The following FMN2 variants were observed in gnomAD, a reference collection of about 807,000 sequenced individuals.
FMN2 encodes the protein formin-2.
A neutral mutation model predicts 142.3 loss-of-function variants in FMN2; 51 were observed. The observed-to-expected ratio is 0.36, with a 90% confidence interval of 0.29 to 0.45. The LOEUF (loss-of-function observed/expected upper bound fraction) is 0.45, where lower values mean the gene tolerates loss of function less well. FMN2 is among the 20% of genes least tolerant of loss of function. FMN2 has a pLI of 1.00. For missense variants in FMN2, 1,936 were observed against 2,122.8 expected (o/e 0.91, Z 1.73); for synonymous variants, 882 against 869.8 (o/e 1.01, Z -0.25).
chr1:240,116,713 G>A (rs1308994764), intron 1 of FMN2, among the ~76,000 whole-genome samples: 1 of 151,816 alleles, frequency 6.6e-6, no homozygotes, highest in Non-Finnish European at 1.5e-5. Flanking sequence ...TTATGATAGG[G>A]CCACTGCATT....
chr1:240,328,166 A>AG (rs1671247632), intron 8 of FMN2, among the ~76,000 whole-genome samples: 2 of 149,988 alleles, frequency 1.3e-5, no homozygotes, highest in East Asian at 2.0e-4. Context: ...AAAAAAAAAA[A>AG]AAAAAAGAAA....
intron 2 of FMN2, among the ~76,000 whole-genome samples, chr1:240,159,905 G>GTATATATATATA (rs34012500): frequency 1.3e-4 from 16 of 120,090 alleles, no homozygotes; most frequent in African/African-American, 4.1e-4. Context: ...ATATATCTGT[G>GTATATATATATA]TATATATATA....
At chr1:240,239,508 T>C (rs1301359148) in intron 6 of FMN2, among the ~76,000 whole-genome samples, 1 of 152,222 alleles carries the variant, frequency 6.6e-6, no homozygotes, top group South Asian at 2.1e-4. Context: ...AGGAGGTCTT[T>C]GAAGAATCAG....
intron 3 of FMN2, among the ~76,000 whole-genome samples, chr1:240,178,400 T>C (rs1665014409): frequency 6.6e-6 from 1 of 151,706 alleles, no homozygotes; most frequent in African/African-American, 2.4e-5. Context: ...CAATGCTTTA[T>C]GGAATATGGT....
intron 16 of FMN2, among the ~76,000 whole-genome samples, chr1:240,440,704 G>T: frequency 6.6e-6 from 1 of 152,116 alleles, no homozygotes; most frequent in South Asian, 2.1e-4. Flanking sequence ...ACGCTGCTTT[G>T]CCCATTGACT....
In FMN2 at chr1:240,188,218, G is replaced by T; in HGVS notation, c.1942G>T (p.Ala648Ser). 6.2e-7 allele frequency: 1 copy of T among 1,613,708 alleles called. No homozygotes were observed. Among genetic ancestry groups the T allele is most frequent in the Middle Eastern group, 1.6e-4 (1 of 6,062 alleles). ...LEDAETESQSAVSETPQKRSD... is the reference protein window; with the variant it reads ...LEDAETESQSSVSETPQKRSD... ...CCTTTCCAATCTAGAATCTCAATCTGCTGTTTCAGAAACTCCCCAAAAACG... is the reference window on the plus strand; with the variant it reads ...CCTTTCCAATCTAGAATCTCAATCTTCTGTTTCAGAAACTCCCCAAAAACG... The change falls in exon 4 of 18, where the codon GCT becomes TCT. Residue 648 changes from alanine to serine, a missense_variant. Ala to Ser is a moderately conservative substitution (Grantham distance 99). Coordinates refer to ENST00000319653, the MANE Select transcript of FMN2 (RefSeq NM_020066.5).
intron 8 of FMN2, among the ~76,000 whole-genome samples, chr1:240,319,325 A>G (rs1670891244): frequency 1.3e-5 from 2 of 152,194 alleles, no homozygotes; most frequent in Non-Finnish European, 1.5e-5. Flanking sequence ...GAGAAAATGA[A>G]TAAAGGAACT....
At chr1:240,271,358 C>T (rs1449077284) in intron 7 of FMN2, among the ~76,000 whole-genome samples, 1 of 150,672 alleles carries the variant, frequency 6.6e-6, no homozygotes, top group Non-Finnish European at 1.5e-5. Context: ...GTAATAGTCT[C>T]AAAAATTAGG....
intron 8 of FMN2, among the ~76,000 whole-genome samples, chr1:240,297,464 C>T (rs940428438): frequency 2.0e-5 from 3 of 151,532 alleles, no homozygotes; most frequent in African/African-American, 4.8e-5. Context: ...CATGGTGGCC[C>T]GGGCACGTGT....
chr1:240,296,110 G>T (rs12136632), intron 8 of FMN2, among the ~76,000 whole-genome samples: 1 of 151,802 alleles, frequency 6.6e-6, no homozygotes, highest in Admixed American at 6.6e-5. Flanking sequence ...TATAGCTGGG[G>T]TTTAGTTCAT....
intron 2 of FMN2, among the ~76,000 whole-genome samples, chr1:240,128,069 C>A (rs1571957276): frequency 6.6e-6 from 1 of 152,284 alleles, no homozygotes; most frequent in African/African-American, 2.4e-5. Context: ...GTAGAGAAGA[C>A]AGCTGCATTT....
chr1:240,285,311 A>G (rs1669548402), intron 7 of FMN2: 1 of 455,226 alleles, frequency 2.2e-6, no homozygotes, highest in Non-Finnish European at 4.4e-6. Context: ...TCCTCTGAAC[A>G]CCAAGCAGAT....
At chr1:240,172,685 A>G (rs1664755630) in intron 2 of FMN2, among the ~76,000 whole-genome samples, 2 of 152,078 alleles carry the variant, frequency 1.3e-5, no homozygotes, top group Non-Finnish European at 2.9e-5. Flanking sequence ...TATCTTAGGA[A>G]TTTTATCTAT....
At chr1:240,303,913 C>T (rs2102976904) in intron 8 of FMN2, among the ~76,000 whole-genome samples, 1 of 152,180 alleles carries the variant, frequency 6.6e-6, no homozygotes, top group East Asian at 1.9e-4. Flanking sequence ...TTCATGGATT[C>T]ATTCTTTTGC....
At position 240,438,129 on chromosome 1, in the gene FMN2, C is replaced by T. The variant is rs754262732; in HGVS notation, c.4979C>T (p.Ala1660Val). Residue 1660 changes from alanine to valine, a missense_variant, in exon 16 of 18, where the codon GCT becomes GTT. By Grantham distance (64) the Ala-to-Val change is moderately conservative (BLOSUM62 0). Transcript: ENST00000319653. The part of the protein sequence containing the change: ...KLGEKEVSPN[A>V]FFSIWHEFSS... The stretch of plus-strand genomic sequence containing the variant: ...GGAGAGAAGGAGGTGTCCCCAAATG[C>T]TTTCTTCAGTATCTGGCATGAATTC... The T allele has an allele frequency of 1.3e-5, 21 of 1,614,018 alleles. No homozygotes were observed. The highest frequency in any genetic ancestry group is 7.6e-6 in the Non-Finnish European group (9 of 1,180,020).
intron 14 of FMN2, among the ~76,000 whole-genome samples, chr1:240,388,178 CAAAAA>C (rs71170738): frequency 1.7e-4 from 2 of 11,792 alleles, no homozygotes; most frequent in South Asian, 8.3e-3. Context: ...ACTCCCATCT[CAAAAA>C]AAAAAAAAAA....
intron 6 of FMN2, among the ~76,000 whole-genome samples, chr1:240,217,059 G>A (rs1168398221): frequency 2.0e-5 from 3 of 152,170 alleles, no homozygotes; most frequent in African/African-American, 4.8e-5. Flanking sequence ...GTGTTCTTAC[G>A]GGAAGCAGTA....
At chr1:240,455,571 A>G (rs1470105679) in intron 16 of FMN2, among the ~76,000 whole-genome samples, 1 of 152,148 alleles carries the variant, frequency 6.6e-6, no homozygotes, top group Non-Finnish European at 1.5e-5. Context: ...CCAGCTACTT[A>G]GGAGGCTGAG....
At chr1:240,241,181 C>T (rs1667883091) in intron 6 of FMN2, among the ~76,000 whole-genome samples, 1 of 149,316 alleles carries the variant, frequency 6.7e-6, no homozygotes, top group Non-Finnish European at 1.5e-5. Flanking sequence ...CATTTTGTTT[C>T]TTCATCGGTT....
Sources: gnomAD v4.1 joint callset for allele counts (sites outside exome capture counted in the v4.1 genomes callset) on GRCh38, gnomAD v4.1.1 for gene constraint, MANE v1.5 for transcripts, NCBI Gene and HGNC (gene_info 2026-07-23, HGNC 2026-07-21) for gene names.